BCAS3: variants seen among roughly 807,000 people sequenced by gnomAD.
BCAS3 encodes BCAS3 microtubule associated cell migration factor.
Under a neutral mutation model 116.1 loss-of-function variants are expected in BCAS3, and 53 were observed. That is an observed-to-expected ratio of 0.46 (90% CI 0.37 to 0.57). BCAS3 has a LOEUF of 0.57. Among genes scored for constraint, BCAS3 ranks in the 20% least tolerant of loss-of-function variants. The pLI is 0.00. For synonymous variants in BCAS3, 391 were observed against 408.2 expected (o/e 0.96, Z 0.51); for missense variants, 917 against 1,165.4 (o/e 0.79, Z 3.10).
rs756433285 is a variant in BCAS3, at chr17:61,332,772, C to T, written c.2426-35555C>T. ...CTGGGATTATAGGCGTCTGCCACCA[C>T]GCCTGGCTAATTTTTGTATTTTTAG... On this transcript the variant is annotated intron_variant, in intron 22 of 23. Transcript: ENST00000407086. This position sits in a 1 kb window ranked among gnomAD's most constrained non-coding sequence, Gnocchi z 5.4. Among the ~76,000 whole-genome samples, 12 of 152,124 alleles carry T rather than the reference C, an allele frequency of 7.9e-5. 1 individual carries two copies. Among genetic ancestry groups the T allele is most frequent in the Admixed American group, 5.9e-4 (9 of 15,278 alleles).
chr17:61,135,044 A>G (rs967788306), intron 22 of BCAS3, among the ~76,000 whole-genome samples: 4 of 152,234 alleles, frequency 2.6e-5, no homozygotes, highest in Non-Finnish European at 5.9e-5. Flanking sequence ...TTAGAATCCG[A>G]CTTGAGATCA....
chr17:61,386,796 GTTTT>G (rs57275173), intron 23 of BCAS3, among the ~76,000 whole-genome samples: 3 of 113,824 alleles, frequency 2.6e-5, no homozygotes, highest in Admixed American at 9.4e-5. Context: ...TTTGTTTTTT[GTTTT>G]TTTTTTTTTT....
chr17:61,336,714 C>T lies in BCAS3; in HGVS notation c.2426-31613C>T, dbSNP rs138578252. Among the ~76,000 whole-genome samples, 580 of 152,324 alleles carry T rather than the reference C, an allele frequency of 3.8e-3. 3 individuals are homozygous for T. Among genetic ancestry groups the T allele is most frequent in the African/African-American group, 0.013 (546 of 41,566 alleles). On this transcript the variant is annotated intron_variant, in intron 22 of 23. Coordinates refer to ENST00000407086, the MANE Select transcript of BCAS3 (RefSeq NM_017679.5). The stretch of plus-strand genomic sequence containing the variant: ...TTGTTTGTCTTAATGTTACTGACAA[C>T]TTTGTTTGGGGAAAGCTAGATTTGG...
Position 61,128,189 on chromosome 17 carries a change from C to A in BCAS3, c.2425+43625C>A. Reference sequence around the variant, plus strand: ...TGGTTTTCTTTTAGGAAGCCTTCCACCAGGAATAGTGTGAGTCAAGGATGA... The same window carrying A: ...TGGTTTTCTTTTAGGAAGCCTTCCAACAGGAATAGTGTGAGTCAAGGATGA... On this transcript the variant is annotated intron_variant, in intron 22 of 23. Transcript: ENST00000407086. The surrounding 1 kb of genome is among the most constrained non-coding windows in gnomAD (Gnocchi z 4.1). 2.0e-6 allele frequency: 2 copies of A among 985,392 alleles called. No individual in the cohort carries two copies. Among genetic ancestry groups the A allele is most frequent in the Non-Finnish European group, 2.4e-6 (2 of 829,920 alleles). The allele number at this position is 985,392 out of a possible 1,614,324, so 61.0% of individuals were successfully genotyped here. A position where few individuals can be genotyped will look rare whatever the true frequency, so the allele number is the denominator to read the frequency against.
intron 6 of BCAS3, among the ~76,000 whole-genome samples, chr17:60,761,335 T>A (rs1409646968): frequency 6.6e-6 from 1 of 152,144 alleles, no homozygotes; most frequent in East Asian, 1.9e-4. Flanking sequence ...TGACATTAGA[T>A]ATTTCTCCTA....
intron 5 of BCAS3, among the ~76,000 whole-genome samples, chr17:60,715,470 T>G (rs2038480832): frequency 2.0e-5 from 3 of 152,128 alleles, no homozygotes; most frequent in Non-Finnish European, 4.4e-5. Flanking sequence ...ATTTCAATTA[T>G]TTCAAAATAT....
chr17:61,060,388 G>C (rs2069879822), intron 19 of BCAS3, among the ~76,000 whole-genome samples: 1 of 151,928 alleles, frequency 6.6e-6, no homozygotes, highest in East Asian at 1.9e-4. Flanking sequence ...ACCCCGCTTG[G>C]CCTCCCAGAG....
Position 61,188,449 on chromosome 17 carries a change from A to C in BCAS3, c.2425+103885A>C, listed in dbSNP as rs1238109879. On this transcript the variant is annotated intron_variant, in intron 22 of 23. Transcript: ENST00000407086. The surrounding 1 kb of genome is among the most constrained non-coding windows in gnomAD (Gnocchi z 4.0). ...CCTAGTTTATATTCTGGTATGGACC[A>C]CAAGTCTGGGAGGCAAGTGGATTTT... Among the ~76,000 whole-genome samples the C allele has an allele frequency of 6.6e-6, 1 of 152,266 alleles. No individual in the cohort carries two copies. The highest frequency in any genetic ancestry group is 1.5e-5 in the Non-Finnish European group (1 of 68,046).
intron 23 of BCAS3, chr17:61,383,212 C>A (rs138067820): frequency 6.6e-6 from 1 of 152,266 alleles, no homozygotes; most frequent in Non-Finnish European, 1.5e-5. Flanking sequence ...AGGGCCTCAC[C>A]GTGTCCTGGG....
chr17:60,948,113 TA>T (rs1445537617), intron 14 of BCAS3, among the ~76,000 whole-genome samples: 1 of 152,032 alleles, frequency 6.6e-6, no homozygotes, highest in Non-Finnish European at 1.5e-5. Context: ...TTATTTTTAT[TA>T]TTTTTTTTGA....
At chr17:60,789,767 T>G (rs544154867) in intron 6 of BCAS3, among the ~76,000 whole-genome samples, 89 of 152,256 alleles carry the variant, frequency 5.8e-4, no homozygotes, top group South Asian at 2.1e-4. Context: ...GATGACTCCA[T>G]TAGGCATCAT....
rs1250491564 is a variant in BCAS3, at chr17:61,007,199, C to A, written c.1487-8552C>A. Among the ~76,000 whole-genome samples the A allele has an allele frequency of 6.6e-6, 1 of 151,862 alleles. No individual in the cohort carries two copies. Among genetic ancestry groups the A allele is most frequent in the Non-Finnish European group, 1.5e-5 (1 of 67,928 alleles). ...GTTCTATTATTTTTCCCTTTGTGTT[C>A]TTGCATTTTATAAACATTGTTTCTA... On this transcript the variant is annotated intron_variant, in intron 15 of 23. Coordinates refer to ENST00000407086, the MANE Select transcript of BCAS3 (RefSeq NM_017679.5). The surrounding 1 kb of genome is among the most constrained non-coding windows in gnomAD (Gnocchi z 4.3).
chr17:61,070,810 A>G (rs965076834), intron 19 of BCAS3, among the ~76,000 whole-genome samples: 2 of 152,140 alleles, frequency 1.3e-5, no homozygotes, highest in Non-Finnish European at 2.9e-5. Context: ...TCAATACTAT[A>G]TGTAGACTGA....
At chr17:60,837,717 A>G (rs553563712) in intron 7 of BCAS3, among the ~76,000 whole-genome samples, 1 of 150,684 alleles carries the variant, frequency 6.6e-6, no homozygotes, top group African/African-American at 2.5e-5. Flanking sequence ...GCAGTAGCAC[A>G]ATCTTGGCTC....
intron 23 of BCAS3, among the ~76,000 whole-genome samples, chr17:61,370,734 GA>G (rs2143534187): frequency 6.6e-6 from 1 of 152,320 alleles, no homozygotes; most frequent in African/African-American, 2.4e-5. Flanking sequence ...AGATGTTATG[GA>G]AGTTACCCAG....
At chr17:61,045,865 A>ATAT (rs757031336) in intron 19 of BCAS3, among the ~76,000 whole-genome samples, 264 of 3,924 alleles carry the variant, frequency 0.067, 9 homozygotes, top group East Asian at 0.071. Flanking sequence ...ATATATATAT[A>ATAT]AATATATATA....
At chr17:60,921,959 C>T (rs552257892) in intron 12 of BCAS3, among the ~76,000 whole-genome samples, 2 of 152,034 alleles carry the variant, frequency 1.3e-5, no homozygotes, top group East Asian at 3.9e-4. Context: ...CAATTGTTAA[C>T]ACATAATACA....
chr17:60,924,284 T>C, intron 12 of BCAS3, 123 bp from the exon 13 acceptor site: 1 of 756,132 alleles, frequency 1.3e-6, no homozygotes, highest in Non-Finnish European at 2.2e-6. Context: ...TTGGCAAGAA[T>C]AATCTGCTAG....
At chr17:60,887,697 C>G (rs1161961774) in intron 9 of BCAS3, among the ~76,000 whole-genome samples, 3 of 152,102 alleles carry the variant, frequency 2.0e-5, no homozygotes, top group African/African-American at 7.2e-5. Flanking sequence ...AAAAAGGGCT[C>G]AGACTTTTTA....
Sources: allele counts gnomAD v4.1 joint callset (sites outside exome capture counted in the v4.1 genomes callset), GRCh38; gene constraint gnomAD v4.1.1; non-coding constraint Gnocchi (gnomAD v3.1); transcripts MANE v1.5; gene names NCBI Gene and HGNC (gene_info 2026-07-23, HGNC 2026-07-21).